PTBP1: variants seen among roughly 807,000 people sequenced by gnomAD.
The protein encoded by PTBP1 is polypyrimidine tract-binding protein 1.
A neutral mutation model predicts 59.8 loss-of-function variants in PTBP1; 8 were observed. The ratio of observed to expected loss-of-function variants is 0.13; its 90% CI spans 0.08 to 0.24. The LOEUF is 0.24. PTBP1 is among the 10% of genes least tolerant of loss of function. The pLI is 1.00. For missense variants in PTBP1, 686 were observed against 767.0 expected (o/e 0.89, Z 1.25); for synonymous variants, 490 against 320.7 (o/e 1.53, Z -5.64).
intron 1 of PTBP1, 180 bp from the exon 2 acceptor site, chr19:799,233 G>T (rs2034221030): frequency 1.4e-6 from 1 of 723,190 alleles, no homozygotes; most frequent in South Asian, 1.5e-5. Context: ...GCAGTCAAGT[G>T]GACGGCTCAC....
chr19:802,098 G>A (rs1266075360), intron 2 of PTBP1, among the ~76,000 whole-genome samples: 1 of 152,190 alleles, frequency 6.6e-6, no homozygotes, highest in Non-Finnish European at 1.5e-5. Context: ...GTTTGGTGAC[G>A]CCCTGAGTGC....
Position 806,297 on chromosome 19 carries a change from G to C in PTBP1, c.971-111G>C, listed in dbSNP as rs930378617. 5 of 1,258,938 alleles carry C rather than the reference G, an allele frequency of 4.0e-6. No homozygotes were observed. In the African/African-American group the frequency reaches 6.4e-5, roughly 16 times the overall value. The allele number at this position is 1,258,938 out of a possible 1,614,324, so 78.0% of individuals were successfully genotyped here. A position where few individuals can be genotyped will look rare whatever the true frequency, so the allele number is the denominator to read the frequency against. ...CCAGGGTAGGGCCAGAGCCAGGGCCGCCTCCCGCGCGGCTCGGCTCCTCGG... is the reference window on the plus strand; with the variant it reads ...CCAGGGTAGGGCCAGAGCCAGGGCCCCCTCCCGCGCGGCTCGGCTCCTCGG... On this transcript the variant is annotated intron_variant, in intron 9 of 14. Coordinates refer to ENST00000356948, the MANE Select transcript of PTBP1 (RefSeq NM_002819.5).
At position 806,175 on chromosome 19, in the gene PTBP1, AGCCCAGGCCCGGCCCG is replaced by A. The variant is rs2034561468; in HGVS notation, c.971-228_971-213del. ...GCTGTGGGCGGGGCGCATGCAGATGAGCCCAGGCCCGGCCCGGCCCGTGCTGTGAGGAGAGGCGGGC... is the reference window on the plus strand; with the variant it reads ...GCTGTGGGCGGGGCGCATGCAGATGAGCCCGTGCTGTGAGGAGAGGCGGGC... On this transcript the variant is annotated intron_variant, in intron 9 of 14. Transcript: ENST00000356948. 10 of 446,842 alleles carry A rather than the reference AGCCCAGGCCCGGCCCG, an allele frequency of 2.2e-5. No individual in the cohort carries two copies. In the South Asian group the frequency reaches 3.6e-4, roughly 16 times the overall value. 27.7% of individuals were successfully genotyped at this position (446,842 alleles called of 1,614,324 possible).
In PTBP1 at chr19:810,886, C is replaced by T; in HGVS notation, c.*60C>T. The T allele has an allele frequency of 6.8e-7, 1 of 1,464,956 alleles. No individual in the cohort carries two copies. Among genetic ancestry groups the T allele is most frequent in the African/African-American group, 1.4e-5 (1 of 69,258 alleles). The allele number at this position is 1,464,956 out of a possible 1,614,324, so 90.7% of individuals were successfully genotyped here. ...CAACTTCCATCATTCCAGAGAAAAG[C>T]CACTTTAAAAACAGCTGAAGTGACC... is the stretch of plus-strand genomic sequence containing the variant. On this transcript the variant is annotated 3_prime_UTR_variant, in exon 15 of 15. Transcript: ENST00000356948.
chr19:810,445 C>A (rs10426392), intron 13 of PTBP1, 98 bp from the exon 14 acceptor site: 9 of 1,020,138 alleles, frequency 8.8e-6, no homozygotes, highest in Non-Finnish European at 1.2e-5. Flanking sequence ...ACGCCTTCCC[C>A]GGCTACTCTG....
chr19:809,206 A>G (rs2034730918), intron 13 of PTBP1, among the ~76,000 whole-genome samples: 1 of 151,892 alleles, frequency 6.6e-6, no homozygotes, highest in Admixed American at 6.6e-5. Context: ...ACGGGGTTTC[A>G]CCATATTGGC....
intron 13 of PTBP1, among the ~76,000 whole-genome samples, chr19:809,339 T>C (rs2034742509): frequency 6.6e-6 from 1 of 150,682 alleles, no homozygotes; most frequent in Non-Finnish European, 1.5e-5. Context: ...TTTTACTTAT[T>C]TTGAGATGGA....
rs1599240578 is a variant in PTBP1 at position 808,540 on chromosome 19, C to T, written c.1247-6C>T. The T allele has an allele frequency of 6.3e-7, 1 of 1,582,940 alleles. No individual in the cohort carries two copies. Among genetic ancestry groups the T allele is most frequent in the Non-Finnish European group, 8.6e-7 (1 of 1,166,960 alleles). On this transcript the variant is annotated splice_polypyrimidine_tract_variant and splice_region_variant and intron_variant, in intron 12 of 14. Transcript: ENST00000356948. The surrounding 1 kb of genome is among the most constrained non-coding windows in gnomAD (Gnocchi z 4.7). ...GCGCCTGGTCACGCGGGTGCTGCTC[C>T]CCCAGCCATGAGCCACCTGAACGGG...
intron 2 of PTBP1, 88 bp from the exon 3 acceptor site, chr19:803,473 A>C: frequency 8.9e-7 from 1 of 1,128,676 alleles, no homozygotes; most frequent in South Asian, 1.3e-5. Context: ...GACCCCAGGC[A>C]GCCCAAGTGG....
At chr19:801,616 G>A (rs926457810) in intron 2 of PTBP1, among the ~76,000 whole-genome samples, 8 of 152,262 alleles carry the variant, frequency 5.3e-5, no homozygotes, top group African/African-American at 1.9e-4. Context: ...ACCAGCCCTG[G>A]TGTCCTGGAC....
chr19:806,413 T>C lies in PTBP1; in HGVS notation c.976T>C (p.Ser326Pro), dbSNP rs747900132. 1.4e-5 allele frequency: 22 copies of C among 1,602,074 alleles called. No individual in the cohort carries two copies. In the South Asian group the frequency reaches 2.3e-4, roughly 17 times the overall value. ...CTCACCTCCTGCTTTTCCAGGCCTT[T>C]CCGTTCCGAACGTCCACGGCGCCCT... ...TFAIPQAAGLSVPNVHGALAP... is the reference protein window; with the variant it reads ...TFAIPQAAGLPVPNVHGALAP... Residue 326 changes from serine (S) to proline (P), a missense_variant, in exon 10 of 15, where the codon TCC becomes CCC. Transcript: ENST00000356948.
At position 808,233 on chromosome 19, in the gene PTBP1, A is replaced by G; in HGVS notation, c.1154-127A>G. ...CTGTGGCTGCGAGACGCAGCTCCGC[A>G]GTGGCCGATAAAGCAAACCCGGCCG... On this transcript the variant is annotated intron_variant, in intron 11 of 14. Transcript: ENST00000356948. The surrounding 1 kb of genome is among the most constrained non-coding windows in gnomAD (Gnocchi z 4.7). 1.3e-6 allele frequency: 1 copy of G among 775,782 alleles called. No individual in the cohort carries two copies. Among genetic ancestry groups the G allele is most frequent in the Non-Finnish European group, 2.2e-6 (1 of 461,540 alleles). 48.1% of individuals were successfully genotyped at this position (775,782 alleles called of 1,614,324 possible).
chr19:798,098 C>A (rs1365237729), intron 1 of PTBP1, among the ~76,000 whole-genome samples: 1 of 151,708 alleles, frequency 6.6e-6, no homozygotes, highest in East Asian at 2.0e-4. Flanking sequence ...CCCGCCCTAC[C>A]CCTGCCCCCC....
At chr19:806,892 CAG>C (rs1432417921) in intron 10 of PTBP1, 1 of 218,874 alleles carries the variant, frequency 4.6e-6, no homozygotes, top group Non-Finnish European at 9.0e-6. Context: ...GCGGGACACA[CAG>C]GGTTAGCGCG....
rs148457180 is a variant in PTBP1 at position 811,604 on chromosome 19, A to G, written c.*778A>G. ...AAACTTCCTTGTGGTATTACCTTGT[A>G]TGCTGTTACTTTTATTTTATTCCTT... On this transcript the variant is annotated 3_prime_UTR_variant, in exon 15 of 15. Transcript: ENST00000356948. 37 of 152,530 alleles carry G rather than the reference A, an allele frequency of 2.4e-4. No individual in the cohort carries two copies. The highest frequency in any genetic ancestry group is 8.2e-4 in the African/African-American group (34 of 41,582). The allele number at this position is 152,530 out of a possible 1,614,324, so 9.4% of individuals were successfully genotyped here.
rs754904592 is a variant in PTBP1, at chr19:806,452, A to C, written c.1015A>C (p.Ile339Leu). ...NVHGALAPLA[I>L]PSAAAAAAAA... ...CCACGGCGCCCTGGCCCCCCTGGCC[A>C]TCCCCTCGGCGGCGGCGGCAGCTGC... The change falls in exon 10 of 15, where the codon ATC becomes CTC. Residue 339 changes from isoleucine to leucine, a missense_variant. By Grantham distance (5) the Ile-to-Leu change is conservative. Transcript: ENST00000356948. 2 of 1,600,604 alleles carry C rather than the reference A, an allele frequency of 1.2e-6. No individual in the cohort carries two copies. Among genetic ancestry groups the C allele is most frequent in the Non-Finnish European group, 1.7e-6 (2 of 1,173,856 alleles).
At chr19:803,681 C>A in intron 3 of PTBP1, 45 bp downstream of exon 3, 1 of 1,522,130 alleles carries the variant, frequency 6.6e-7, no homozygotes. Flanking sequence ...GGGTGTCTTT[C>A]CCTGGAACAA....
At chr19:805,226 G>C in intron 8 of PTBP1, 39 bp downstream of exon 8, 1 of 1,606,878 alleles carries the variant, frequency 6.2e-7, no homozygotes, top group Non-Finnish European at 8.5e-7. Context: ...GTGCAGAGTG[G>C]TCTATTAGGG....
chr19:805,392 C>A, intron 8 of PTBP1, 100 bp from the exon 9 acceptor site: 3 of 1,307,526 alleles, frequency 2.3e-6, no homozygotes, highest in Non-Finnish European at 3.3e-6. Flanking sequence ...AAGGCTCTGC[C>A]GGGGCCGCCC....
Sources: allele counts gnomAD v4.1 joint callset (sites outside exome capture counted in the v4.1 genomes callset), GRCh38; gene constraint gnomAD v4.1.1; non-coding constraint Gnocchi (gnomAD v3.1); transcripts MANE v1.5; gene names NCBI Gene and HGNC (gene_info 2026-07-23, HGNC 2026-07-21).